The following COG6 variants were observed in gnomAD, a reference collection of about 807,000 sequenced individuals.
COG6 encodes component of oligomeric golgi complex 6, also known as conserved oligomeric Golgi complex subunit 6.
COG6 carries 74 observed loss-of-function variants against 88.8 expected under a neutral mutation model. The observed-to-expected ratio is 0.83, with a 90% CI of 0.69 to 1.01. The LOEUF (loss-of-function observed/expected upper bound fraction) is 1.01. Among genes scored for constraint, COG6 ranks in the 50% least tolerant of loss-of-function variants. The pLI, the probability that COG6 is intolerant of heterozygous loss-of-function variation, is 0.00. For missense variants in COG6, 800 were observed against 797.9 expected, an observed-to-expected ratio of 1.00 and a Z score of -0.03; for synonymous variants, 286 against 278.7, an observed-to-expected ratio of 1.03 and a Z score of -0.26.
chr13:39,757,972 A>G (rs1361200469), intron 18 of COG6, among the ~76,000 whole-genome samples: 2 of 152,200 alleles, frequency 1.3e-5, no homozygotes, highest in African/African-American at 4.8e-5. Flanking sequence ...CTGTAATCCC[A>G]GCACTTTGGG....
chr13:39,694,955 G>GCGCACACACA (rs1555277402), intron 12 of COG6, among the ~76,000 whole-genome samples: 7 of 142,556 alleles, frequency 4.9e-5, no homozygotes, highest in African/African-American at 1.8e-4. Context: ...TTAACTACAC[G>GCGCACACACA]CACACACACA....
At chr13:39,703,568 A>G (rs1465737437) in intron 13 of COG6, among the ~76,000 whole-genome samples, 1 of 152,094 alleles carries the variant, frequency 6.6e-6, no homozygotes, top group African/African-American at 2.4e-5. Context: ...ATTTTTTTAT[A>G]GTTCAATAGA....
At position 39,752,468 on chromosome 13, in the gene COG6, A is replaced by T; in HGVS notation, c.*1375A>T. The T allele has an allele frequency of 9.1e-7, 1 of 1,100,802 alleles. No homozygotes were observed. The allele number at this position is 1,100,802 out of a possible 1,614,324, so 68.2% of individuals were successfully genotyped here. A position where few individuals can be genotyped will look rare whatever the true frequency, so the allele number is the denominator to read the frequency against. Reference sequence around the variant, plus strand: ...CCTTTGATTAGTATGTGTTACATATAAAGACAGAAAATAAAGTATAAATCA... The same window carrying T: ...CCTTTGATTAGTATGTGTTACATATTAAGACAGAAAATAAAGTATAAATCA... On this transcript the variant is annotated 3_prime_UTR_variant, in exon 19 of 19. Transcript: ENST00000455146.
intron 18 of COG6, among the ~76,000 whole-genome samples, chr13:39,771,049 G>A (rs1881306370): frequency 6.6e-6 from 1 of 152,130 alleles, no homozygotes; most frequent in African/African-American, 2.4e-5. Flanking sequence ...TGCTCCTCAT[G>A]TCATGTAAGT....
intron 11 of COG6, 82 bp downstream of exon 11, chr13:39,689,906 C>G (rs1017662759): frequency 6.0e-6 from 5 of 834,010 alleles, no homozygotes; most frequent in African/African-American, 3.4e-5. Flanking sequence ...GAAACTGATA[C>G]CAGCTCAAAT....
At chr13:39,717,831 T>A (rs1400246034) in intron 13 of COG6, among the ~76,000 whole-genome samples, 1 of 152,136 alleles carries the variant, frequency 6.6e-6, no homozygotes, top group Non-Finnish European at 1.5e-5. Flanking sequence ...CACTTTATCC[T>A]GAGTGACAGA....
At position 39,719,324 on chromosome 13, in the gene COG6, C is replaced by G. The variant is rs1456070640; in HGVS notation, c.1373C>G (p.Ser458Cys). 1.2e-6 allele frequency: 2 copies of G among 1,612,616 alleles called. No individual in the cohort carries two copies. The highest frequency in any genetic ancestry group is 1.7e-6 in the Non-Finnish European group (2 of 1,179,144). ...LLREVLASHDSSVVPLDARQA... is the reference protein window; with the variant it reads ...LLREVLASHDCSVVPLDARQA... ...CGTGAAGTTTTAGCATCTCACGATT[C>G]TTCAGTTGTACCATTAGATGCTCGT... Residue 458 changes from serine to cysteine, a missense_variant, in exon 14 of 19, where the codon TCT becomes TGT. Ser to Cys is a moderately radical substitution (Grantham distance 112). Transcript: ENST00000455146.
intron 18 of COG6, among the ~76,000 whole-genome samples, chr13:39,765,561 C>G (rs1157730226): frequency 1.3e-5 from 2 of 152,110 alleles, no homozygotes; most frequent in African/African-American, 4.8e-5. Context: ...CAAGTTTAAG[C>G]AAGTATGTCA....
At chr13:39,784,543 G>A (rs1881718919) in intron 18 of COG6, among the ~76,000 whole-genome samples, 1 of 152,184 alleles carries the variant, frequency 6.6e-6, no homozygotes, top group South Asian at 2.1e-4. Flanking sequence ...TCACTGAGTT[G>A]GAATTTGTTA....
At chr13:39,678,282 C>T in intron 5 of COG6, 1 of 308,602 alleles carries the variant, frequency 3.2e-6, no homozygotes, top group Non-Finnish European at 6.3e-6. Context: ...CTGTGTTGCC[C>T]AGGCTGGTCT....
chr13:39,750,651 C>G (rs1880571864), intron 18 of COG6, among the ~76,000 whole-genome samples: 2 of 152,104 alleles, frequency 1.3e-5, no homozygotes, highest in African/African-American at 4.8e-5. Flanking sequence ...ATTTAGCAGT[C>G]CTGTATATCA....
intron 15 of COG6, among the ~76,000 whole-genome samples, chr13:39,721,990 G>A (rs1878873908): frequency 6.6e-6 from 1 of 151,876 alleles, no homozygotes; most frequent in African/African-American, 2.4e-5. Flanking sequence ...CCTTTCTTTT[G>A]CTTAGTAAAG....
intron 6 of COG6, 76 bp downstream of exon 6, chr13:39,679,696 T>C: frequency 1.1e-6 from 1 of 887,008 alleles, no homozygotes; most frequent in South Asian, 1.3e-5. Flanking sequence ...AGATTGTTTG[T>C]GAACTATATA....
At chr13:39,676,033 G>A (rs1455790792) in intron 4 of COG6, among the ~76,000 whole-genome samples, 5 of 151,908 alleles carry the variant, frequency 3.3e-5, no homozygotes, top group Non-Finnish European at 5.9e-5. Flanking sequence ...TCATTTCTTT[G>A]TGGTGACAAT....
At chr13:39,680,099 T>C in intron 7 of COG6, 54 bp downstream of exon 7, 1 of 1,074,368 alleles carries the variant, frequency 9.3e-7, no homozygotes, top group East Asian at 2.4e-5. Flanking sequence ...AGTTGTTTTT[T>C]AAAATTTTAC....
In COG6 at chr13:39,665,089, A is replaced by T; in HGVS notation, c.370-7A>T. ...TTTACTTATATTAGATATGTTTATA[A>T]TTTTAGGCAGCAAAGGAACAGACTC... On this transcript the variant is annotated splice_polypyrimidine_tract_variant and splice_region_variant and intron_variant, in intron 3 of 18. Coordinates refer to ENST00000455146, the MANE Select transcript of COG6 (RefSeq NM_020751.3). 1 of 1,329,068 alleles carries T rather than the reference A, an allele frequency of 7.5e-7. No homozygotes were observed. The highest frequency in any genetic ancestry group is 1.1e-6 in the Non-Finnish European group (1 of 921,824). 82.3% of individuals were successfully genotyped at this position (1,329,068 alleles called of 1,614,324 possible).
intron 1 of COG6, among the ~76,000 whole-genome samples, chr13:39,657,463 T>A (rs898445335): frequency 1.8e-4 from 27 of 152,294 alleles, no homozygotes; most frequent in African/African-American, 6.0e-4. Context: ...CATTACTGAT[T>A]ACTTCTTTGA....
intron 8 of COG6, chr13:39,682,486 C>T (rs1307647504): frequency 6.5e-6 from 3 of 462,160 alleles, no homozygotes. Flanking sequence ...CAAAGTGTCT[C>T]TGTATCTAGA....
At chr13:39,771,888 A>G (rs112363760) in intron 18 of COG6, among the ~76,000 whole-genome samples, 7,832 of 152,226 alleles carry the variant, frequency 0.051, 281 homozygotes, top group Non-Finnish European at 0.081. Flanking sequence ...TGCTGGGGGG[A>G]AAAGCACTGA....
Sources: allele counts gnomAD v4.1 joint callset (sites outside exome capture counted in the v4.1 genomes callset), GRCh38; gene constraint gnomAD v4.1.1; transcripts MANE v1.5; gene names NCBI Gene and HGNC (gene_info 2026-07-23, HGNC 2026-07-21).